The following FIGLA variants were observed in gnomAD, a reference collection of about 807,000 sequenced individuals.
FIGLA encodes folliculogenesis specific bHLH transcription factor.
Under a neutral mutation model 21.5 loss-of-function variants are expected in FIGLA, and 17 were observed. The ratio of observed to expected loss-of-function variants is 0.79; its 90% CI spans 0.54 to 1.19. FIGLA has a LOEUF of 1.19. FIGLA is among the 50% of genes most tolerant of loss of function. The pLI is 0.00. For synonymous variants in FIGLA, 129 were observed against 117.6 expected, an observed-to-expected ratio of 1.10 and a Z score of -0.63; for missense variants, 282 against 285.0, an observed-to-expected ratio of 0.99 and a Z score of 0.08.
chr2:70,785,625 A>G lies in FIGLA; in HGVS notation c.399T>C (p.Asp133=), dbSNP rs782194107. The G allele has an allele frequency of 6.2e-7, 1 of 1,613,662 alleles. No individual in the cohort carries two copies. Among genetic ancestry groups the G allele is most frequent in the East Asian group, 2.2e-5 (1 of 44,894 alleles). Residue 133 remains aspartate, a synonymous_variant, in exon 3 of 5, where the codon GAT becomes GAC. Coordinates refer to ENST00000332372, the MANE Select transcript of FIGLA (RefSeq NM_001004311.3). ...AACTGTTGTTACTATAGCTCTGCTC[A>G]TCTGGGTCTTGTTTCTGGAAACCAT... is the stretch of plus-strand genomic sequence containing the variant. ...GAKDSKKQDP[D]EQSYSNNSSE...
rs1675934577 is a variant in FIGLA, at chr2:70,785,467, C to T, written c.557G>A (p.Cys186Tyr). ...AGTCGTAGACATCACACTGTGGCGA[C>T]AAGCGTGTGCTGGCTCACCACTGCC... ...DGGSGEPAHACRHSVMSTTEI... is the reference protein window; with the variant it reads ...DGGSGEPAHAYRHSVMSTTEI... The change falls in exon 3 of 5, where the codon TGT becomes TAT. Residue 186 changes from cysteine (C) to tyrosine (Y), a missense_variant. By Grantham distance (194) the Cys-to-Tyr change is radical. Transcript: ENST00000332372. 1 of 1,614,014 alleles carries T rather than the reference C, an allele frequency of 6.2e-7. No homozygotes were observed.
chr2:70,787,399 T>C (rs1675976020), intron 2 of FIGLA, among the ~76,000 whole-genome samples: 2 of 152,192 alleles, frequency 1.3e-5, no homozygotes, highest in Non-Finnish European at 2.9e-5. Context: ...TAGGCAAGTA[T>C]AGATGGTCAG....
intron 3 of FIGLA, among the ~76,000 whole-genome samples, chr2:70,784,395 G>GT (rs781956077): frequency 2.0e-5 from 3 of 152,190 alleles, no homozygotes; most frequent in Non-Finnish European, 4.4e-5. Context: ...TCCAAGTGAC[G>GT]TGACAGGTAT....
chr2:70,781,697 A>G (rs1189421163), intron 3 of FIGLA, among the ~76,000 whole-genome samples: 2 of 152,230 alleles, frequency 1.3e-5, no homozygotes, highest in Admixed American at 6.5e-5. Flanking sequence ...TAAAAGTCAC[A>G]TAATGTATGG....
chr2:70,790,643 G>A lies in FIGLA; in HGVS notation c.-5C>T, dbSNP rs960975399. ...GACGCCGGGCGCGGGGTCCATGGCAGGGCCGAGGCCGCTGAGGCCGGGCTT... is the reference window on the plus strand; with the variant it reads ...GACGCCGGGCGCGGGGTCCATGGCAAGGCCGAGGCCGCTGAGGCCGGGCTT... On this transcript the variant is annotated 5_prime_UTR_variant, in exon 1 of 5. Transcript: ENST00000332372. The A allele has an allele frequency of 7.9e-5, 105 of 1,324,574 alleles. No homozygotes were observed. Among genetic ancestry groups the A allele is most frequent in the Admixed American group, 2.0e-4 (5 of 24,984 alleles). 82.1% of individuals were successfully genotyped at this position (1,324,574 alleles called of 1,614,324 possible). A position where few individuals can be genotyped will look rare whatever the true frequency, so the allele number is the denominator to read the frequency against.
chr2:70,789,668 C>G (rs1553390549), intron 1 of FIGLA, among the ~76,000 whole-genome samples: 6 of 152,158 alleles, frequency 3.9e-5, no homozygotes, highest in Non-Finnish European at 7.3e-5. Context: ...CCTTCTCTCT[C>G]CTGGATTCGC....
At chr2:70,787,555 G>A (rs1675978362) in intron 2 of FIGLA, 94 bp downstream of exon 2, 4 of 1,269,376 alleles carry the variant, frequency 3.2e-6, no homozygotes, top group Non-Finnish European at 3.3e-6. Flanking sequence ...ACCTTAAGTG[G>A]AAAGTATACA....
intron 1 of FIGLA, among the ~76,000 whole-genome samples, chr2:70,788,878 T>G (rs6546632): frequency 1.3e-5 from 2 of 151,952 alleles, no homozygotes; most frequent in African/African-American, 4.8e-5. Flanking sequence ...AGCCATTCCA[T>G]TGTATATGCC....
intron 1 of FIGLA, 25 bp from the exon 2 acceptor site, chr2:70,787,826 C>A (rs1675983600): frequency 6.2e-7 from 1 of 1,606,906 alleles, no homozygotes; most frequent in African/African-American, 1.3e-5. Flanking sequence ...GGCACAGTAA[C>A]ACACAGAGAA....
Position 70,788,719 on chromosome 2 carries a change from A to AC in FIGLA, c.232-919dup, listed in dbSNP as rs1213376267. On this transcript the variant is annotated intron_variant, in intron 1 of 4. Coordinates refer to ENST00000332372, the MANE Select transcript of FIGLA (RefSeq NM_001004311.3). The stretch of plus-strand genomic sequence containing the variant: ...CTACAAACTAAAACAGAAATTAGAT[A>AC]CCATTTTTTATGTATCAAGGTGGTA... Among the ~76,000 whole-genome samples the AC allele has an allele frequency of 5.9e-5, 9 of 152,266 alleles. 1 individual carries two copies. The highest frequency in any genetic ancestry group is 2.6e-4 in the Admixed American group (4 of 15,288).
At chr2:70,782,207 T>TA in intron 3 of FIGLA, among the ~76,000 whole-genome samples, 1 of 152,214 alleles carries the variant, frequency 6.6e-6, no homozygotes, top group Non-Finnish European at 1.5e-5. Context: ...GTCACCACCT[T>TA]AAGCAAGTGA....
intron 2 of FIGLA, among the ~76,000 whole-genome samples, chr2:70,786,623 C>T (rs183839001): frequency 1.3e-5 from 2 of 152,238 alleles, no homozygotes; most frequent in Admixed American, 6.5e-5. Flanking sequence ...GTTAAATGGA[C>T]TTGAAGTTTG....
intron 3 of FIGLA, among the ~76,000 whole-genome samples, chr2:70,780,229 C>T (rs1225783999): frequency 6.6e-6 from 1 of 152,150 alleles, no homozygotes; most frequent in Non-Finnish European, 1.5e-5. Context: ...TGCTCTGACC[C>T]CATCTCCAAA....
At chr2:70,780,481 CT>C (rs781933733) in intron 3 of FIGLA, among the ~76,000 whole-genome samples, 1 of 152,168 alleles carries the variant, frequency 6.6e-6, no homozygotes, top group Non-Finnish European at 1.5e-5. Flanking sequence ...TGGGCTGAAT[CT>C]TTACGAGGAT....
chr2:70,785,375 T>C, intron 3 of FIGLA, 40 bp downstream of exon 3: 1 of 1,460,998 alleles, frequency 6.8e-7, no homozygotes, highest in Non-Finnish European at 9.5e-7. Context: ...CATTTTAAGG[T>C]TCTGATATCT....
intron 3 of FIGLA, among the ~76,000 whole-genome samples, chr2:70,778,294 T>C (rs2104595302): frequency 6.6e-6 from 1 of 152,318 alleles, no homozygotes; most frequent in Admixed American, 6.5e-5. Context: ...AAAATGGATA[T>C]AATTGTTTGT....
intron 3 of FIGLA, among the ~76,000 whole-genome samples, chr2:70,782,086 A>G (rs1401771424): frequency 3.3e-5 from 5 of 152,242 alleles, no homozygotes; most frequent in African/African-American, 1.2e-4. Flanking sequence ...GATTTGATAA[A>G]TAAATATAGA....
intron 3 of FIGLA, among the ~76,000 whole-genome samples, chr2:70,782,334 TA>T (rs1343226943): frequency 2.0e-5 from 3 of 152,218 alleles, no homozygotes; most frequent in Non-Finnish European, 4.4e-5. Flanking sequence ...TATCTGAATC[TA>T]ATCGAAAGGA....
chr2:70,780,814 C>T (rs1376098019), intron 3 of FIGLA, among the ~76,000 whole-genome samples: 1 of 152,142 alleles, frequency 6.6e-6, no homozygotes, highest in Non-Finnish European at 1.5e-5. Flanking sequence ...GAAGTGGTAT[C>T]AGAGCCCAAG....
Sources: allele counts gnomAD v4.1 joint callset (sites outside exome capture counted in the v4.1 genomes callset), GRCh38; gene constraint gnomAD v4.1.1; transcripts MANE v1.5; gene names NCBI Gene and HGNC (gene_info 2026-07-23, HGNC 2026-07-21).